Variants in KCNK2 observed in about 807,000 individuals in gnomAD.
KCNK2 encodes the protein potassium channel subfamily K member 2.
In KCNK2, 21 loss-of-function variants were observed where a neutral mutation model predicts 40.5. That is an observed-to-expected ratio of 0.52 (90% CI 0.37 to 0.75). The LOEUF (loss-of-function observed/expected upper bound fraction) is 0.75, where lower values mean the gene tolerates loss of function less well. Among genes scored for constraint, KCNK2 ranks in the 30% least tolerant of loss-of-function variants. The pLI is 0.00. For synonymous variants in KCNK2, 191 were observed against 202.2 expected (o/e 0.94, Z 0.47); for missense variants, 399 against 531.6 (o/e 0.75, Z 2.45).
chr1:215,143,855 A>G (rs933805563), intron 3 of KCNK2, among the ~76,000 whole-genome samples: 6 of 152,174 alleles, frequency 3.9e-5, no homozygotes, highest in African/African-American at 1.2e-4. Context: ...CTAAGACCCT[A>G]TCTTTCTAAG....
At chr1:215,114,410 C>T (rs1660831262) in intron 2 of KCNK2, among the ~76,000 whole-genome samples, 1 of 152,104 alleles carries the variant, frequency 6.6e-6, no homozygotes, top group Admixed American at 6.6e-5. Context: ...GTAATAACTA[C>T]TGGACAGGTG....
chr1:215,042,034 C>A (rs1271304493), intron 1 of KCNK2, among the ~76,000 whole-genome samples: 1 of 152,114 alleles, frequency 6.6e-6, no homozygotes, highest in Non-Finnish European at 1.5e-5. Context: ...ACTATCAGAT[C>A]TCATGAGACT....
chr1:215,153,110 AG>A (rs1284515470), intron 3 of KCNK2, among the ~76,000 whole-genome samples: 3 of 152,228 alleles, frequency 2.0e-5, no homozygotes, highest in African/African-American at 7.2e-5. Flanking sequence ...CATAGAGGGT[AG>A]AAAGGCTGCT....
At chr1:215,062,652 G>A (rs1208429839) in intron 1 of KCNK2, among the ~76,000 whole-genome samples, 21 of 151,576 alleles carry the variant, frequency 1.4e-4, no homozygotes. Context: ...ATAATTAGAT[G>A]TGGGATGGGC....
chr1:215,084,130 A>G (rs1367209837), intron 1 of KCNK2, among the ~76,000 whole-genome samples: 1 of 152,070 alleles, frequency 6.6e-6, no homozygotes, highest in Non-Finnish European at 1.5e-5. Flanking sequence ...ATTAAAAAAT[A>G]AGGCAACAGC....
chr1:215,070,795 G>A (rs1007002060), intron 1 of KCNK2, among the ~76,000 whole-genome samples: 2 of 152,102 alleles, frequency 1.3e-5, no homozygotes, highest in African/African-American at 4.8e-5. Context: ...GTTTAGTAGA[G>A]GAAGCCAGAC....
intron 3 of KCNK2, among the ~76,000 whole-genome samples, chr1:215,166,450 A>C (rs1047333794): frequency 6.6e-6 from 1 of 152,172 alleles, no homozygotes; most frequent in African/African-American, 2.4e-5. Flanking sequence ...GGAACCACTA[A>C]TCCTAACTTT....
chr1:215,042,798 T>C (rs1373401974), intron 1 of KCNK2, among the ~76,000 whole-genome samples: 4 of 152,204 alleles, frequency 2.6e-5, no homozygotes, highest in African/African-American at 9.6e-5. Flanking sequence ...TGCCATTTCC[T>C]AAGTGGGCTT....
At chr1:215,112,799 A>C (rs1177355792) in intron 2 of KCNK2, among the ~76,000 whole-genome samples, 1 of 152,208 alleles carries the variant, frequency 6.6e-6, no homozygotes, top group Non-Finnish European at 1.5e-5. Context: ...ATAGCTTAGG[A>C]GCAATAGGCT....
At chr1:215,038,504 C>T (rs991226447) in intron 1 of KCNK2, among the ~76,000 whole-genome samples, 3 of 152,066 alleles carry the variant, frequency 2.0e-5, no homozygotes, top group Non-Finnish European at 4.4e-5. Context: ...AATTTGTGAA[C>T]ATCATCTAGA....
upstream of KCNK2, among the ~76,000 whole-genome samples, chr1:215,080,682 G>A (rs761373960): frequency 7.9e-5 from 12 of 152,302 alleles, no homozygotes; most frequent in Middle Eastern, 3.4e-3. Flanking sequence ...AAAACATCAT[G>A]TGACAAGTAT....
At chr1:215,113,648 T>G (rs1571627461) in intron 2 of KCNK2, among the ~76,000 whole-genome samples, 1 of 152,134 alleles carries the variant, frequency 6.6e-6, no homozygotes, top group South Asian at 2.1e-4. Flanking sequence ...CAGGCTGGAG[T>G]GCAATGGCAC....
chr1:215,097,154 A>G (rs1660012356), intron 2 of KCNK2, among the ~76,000 whole-genome samples: 3 of 152,008 alleles, frequency 2.0e-5, no homozygotes, highest in African/African-American at 7.2e-5. Context: ...GCTGGTGGAT[A>G]ATGGTAAAAT....
rs1666830909 is a variant in KCNK2 at position 215,235,163 on chromosome 1, C to T, written c.*18C>T. 1 of 1,581,140 alleles carries T rather than the reference C, an allele frequency of 6.3e-7. No homozygotes were observed. The highest frequency in any genetic ancestry group is 2.3e-5 in the East Asian group (1 of 44,178). On this transcript the variant is annotated 3_prime_UTR_variant, in exon 7 of 7. Transcript: ENST00000444842. The stretch of plus-strand genomic sequence containing the variant: ...TCAAATAGCCCTCTCTTTAAATAAC[C>T]TTAGGCATAGCCATAGGTGAGGACT...
intron 1 of KCNK2, among the ~76,000 whole-genome samples, chr1:215,057,907 A>G (rs953189071): frequency 6.6e-6 from 1 of 152,082 alleles, no homozygotes; most frequent in African/African-American, 2.4e-5. Flanking sequence ...CAGACAATAA[A>G]TGTGTACCAG....
intron 6 of KCNK2, among the ~76,000 whole-genome samples, chr1:215,225,152 C>T (rs1666337005): frequency 6.6e-6 from 1 of 152,144 alleles, no homozygotes; most frequent in South Asian, 2.1e-4. Flanking sequence ...TGCTAAAATC[C>T]ATAGTTTCCA....
At chr1:215,209,971 TTATATATATTATATATAATATATAA>T (rs1379406436) in intron 6 of KCNK2, among the ~76,000 whole-genome samples, 6 of 64,506 alleles carry the variant, frequency 9.3e-5, no homozygotes, top group Non-Finnish European at 1.1e-4. Context: ...TTTATATATA[TTATATATATTATATATAATATATAA>T]TATATATTAT....
intron 2 of KCNK2, among the ~76,000 whole-genome samples, chr1:215,108,982 G>A (rs1660558824): frequency 8.0e-6 from 1 of 125,446 alleles, no homozygotes; most frequent in African/African-American, 5.8e-5. Flanking sequence ...TTTTTGAAAT[G>A]TAAAAGTGAA....
intron 5 of KCNK2, among the ~76,000 whole-genome samples, chr1:215,173,432 A>G (rs9793690): frequency 0.77 from 116,718 of 152,058 alleles, 45,085 homozygotes; most frequent in Non-Finnish European, 0.79. Context: ...ATAAATATAC[A>G]TGTGCATGTG....
Sources: gnomAD v4.1 joint callset for allele counts (sites outside exome capture counted in the v4.1 genomes callset) on GRCh38, gnomAD v4.1.1 for gene constraint, MANE v1.5 for transcripts, NCBI Gene and HGNC (gene_info 2026-07-23, HGNC 2026-07-21) for gene names.